SCAPER: variants seen among roughly 807,000 people sequenced by gnomAD.
The protein encoded by SCAPER is S phase cyclin A-associated protein in the endoplasmic reticulum.
SCAPER carries 98 observed loss-of-function variants against 182.2 expected under a neutral mutation model. The observed-to-expected ratio is 0.54, with a 90% CI of 0.46 to 0.64. The LOEUF is 0.64. SCAPER is among the 30% of genes least tolerant of loss of function. The pLI is 0.00. For synonymous variants in SCAPER, 605 were observed against 564.6 expected, an observed-to-expected ratio of 1.07 and a Z score of -1.01; for missense variants, 1,432 against 1,690.0, an observed-to-expected ratio of 0.85 and a Z score of 2.68.
intron 22 of SCAPER, among the ~76,000 whole-genome samples, chr15:76,576,172 G>C (rs930041022): frequency 6.6e-5 from 10 of 152,208 alleles, no homozygotes; most frequent in Non-Finnish European, 1.2e-4. Context: ...GATCAGCCTG[G>C]GTAACAAGGC....
intron 23 of SCAPER, among the ~76,000 whole-genome samples, chr15:76,526,863 T>A (rs896143544): frequency 3.3e-5 from 5 of 151,970 alleles, no homozygotes; most frequent in Admixed American, 1.3e-4. Context: ...ATAGTTTTTT[T>A]TTTTATTTTT....
chr15:76,793,196 A>C, intron 8 of SCAPER: 2 of 1,132,354 alleles, frequency 1.8e-6, no homozygotes, highest in South Asian at 2.8e-5. Flanking sequence ...CTTCAGTTCT[A>C]TAGCTACTGT....
At chr15:76,372,577 A>C (rs151097418) in intron 29 of SCAPER, among the ~76,000 whole-genome samples, 1 of 152,246 alleles carries the variant, frequency 6.6e-6, no homozygotes, top group Non-Finnish European at 1.5e-5. Context: ...TAAGTTTATC[A>C]TAACAGAGTT....
At chr15:76,434,046 G>A in intron 26 of SCAPER, 32 bp downstream of exon 26, 1 of 1,552,268 alleles carries the variant, frequency 6.4e-7, no homozygotes, top group Non-Finnish European at 8.8e-7. Flanking sequence ...TCTTAACAAA[G>A]AACAAAGTTT....
At chr15:76,435,467 T>C (rs904813784) in intron 25 of SCAPER, among the ~76,000 whole-genome samples, 1 of 152,216 alleles carries the variant, frequency 6.6e-6, no homozygotes, top group Non-Finnish European at 1.5e-5. Context: ...TGATTCCTGA[T>C]TCTTTTTCCT....
chr15:76,678,773 T>C (rs1053256325), intron 20 of SCAPER, among the ~76,000 whole-genome samples: 1 of 152,090 alleles, frequency 6.6e-6, no homozygotes, highest in Non-Finnish European at 1.5e-5. Context: ...AGACAGCACT[T>C]TATCACATAT....
intron 5 of SCAPER, among the ~76,000 whole-genome samples, chr15:76,818,221 C>G (rs1480793908): frequency 1.3e-5 from 2 of 152,142 alleles, no homozygotes; most frequent in Non-Finnish European, 2.9e-5. Flanking sequence ...ACACATGATG[C>G]TAGAATAAAT....
intron 7 of SCAPER, among the ~76,000 whole-genome samples, chr15:76,796,902 A>G (rs2065368194): frequency 6.6e-6 from 1 of 152,270 alleles, no homozygotes; most frequent in Non-Finnish European, 1.5e-5. Context: ...CCATAAAGGA[A>G]CTTGAAAGCA....
At chr15:76,599,861 A>T (rs1295098576) in intron 22 of SCAPER, among the ~76,000 whole-genome samples, 2 of 121,752 alleles carry the variant, frequency 1.6e-5, no homozygotes, top group African/African-American at 5.0e-5. Context: ...CATTTGTCAA[A>T]ATTTATCAAA....
At chr15:76,725,314 T>C (rs2060515256) in intron 17 of SCAPER, among the ~76,000 whole-genome samples, 1 of 152,012 alleles carries the variant, frequency 6.6e-6, no homozygotes, top group Non-Finnish European at 1.5e-5. Flanking sequence ...CATCATGTTT[T>C]CATGGACTGA....
chr15:76,608,134 C>T (rs141871893), intron 22 of SCAPER, among the ~76,000 whole-genome samples: 98 of 152,122 alleles, frequency 6.4e-4, no homozygotes, highest in African/African-American at 2.2e-3. Context: ...TTTTTTTTCC[C>T]CATCTTTGTG....
chr15:76,556,407 GA>G (rs975029671), intron 23 of SCAPER, among the ~76,000 whole-genome samples: 1 of 152,022 alleles, frequency 6.6e-6, no homozygotes, highest in African/African-American at 2.4e-5. Flanking sequence ...ATTGAAATCT[GA>G]AAAACCATAC....
Position 76,353,978 on chromosome 15 carries a change from T to TAGAG in SCAPER, c.4017_4018insCTCT (p.Ser1340LeufsTer2). 6.3e-7 allele frequency: 1 copy of TAGAG among 1,592,030 alleles called. No individual in the cohort carries two copies. Among genetic ancestry groups the TAGAG allele is most frequent in the Non-Finnish European group, 8.5e-7 (1 of 1,172,906 alleles). On this transcript the variant is annotated frameshift_variant, in exon 30 of 32. Coordinates refer to ENST00000563290, the MANE Select transcript of SCAPER (RefSeq NM_020843.4). LOFTEE classifies it high-confidence loss of function. ...ATGAAAGTGGCCAGTAAAACACAGCTCATCTCTTGCTCCAGAATGATCTTG... is the reference window on the plus strand; with the variant it reads ...ATGAAAGTGGCCAGTAAAACACAGCTAGAGCATCTCTTGCTCCAGAATGATCTTG...
At chr15:76,618,439 T>C (rs1311310782) in intron 22 of SCAPER, among the ~76,000 whole-genome samples, 1 of 152,168 alleles carries the variant, frequency 6.6e-6, no homozygotes. Context: ...AGAATGATTT[T>C]AGATCTATGA....
intron 1 of SCAPER, among the ~76,000 whole-genome samples, chr15:76,890,751 T>C (rs2074118353): frequency 6.6e-6 from 1 of 152,208 alleles, no homozygotes; most frequent in Non-Finnish European, 1.5e-5. Flanking sequence ...AAAGAGGAGT[T>C]GGTACCATTC....
chr15:76,667,657 A>AC (rs2056705582), intron 20 of SCAPER, among the ~76,000 whole-genome samples: 3 of 128,510 alleles, frequency 2.3e-5, no homozygotes, highest in African/African-American at 8.5e-5. Flanking sequence ...AAAAAAAAAA[A>AC]AAAAACGCTC....
intron 14 of SCAPER, among the ~76,000 whole-genome samples, chr15:76,756,888 T>C (rs2062466820): frequency 6.6e-6 from 1 of 152,242 alleles, no homozygotes; most frequent in Admixed American, 6.5e-5. Context: ...TAGCTTATTA[T>C]ATGATAAAAT....
intron 20 of SCAPER, among the ~76,000 whole-genome samples, chr15:76,666,187 A>ACTC (rs2056562646): frequency 6.6e-6 from 1 of 152,214 alleles, no homozygotes; most frequent in African/African-American, 2.4e-5. Flanking sequence ...GAAGAGGGGG[A>ACTC]AACTTCAGCA....
At chr15:76,800,400 A>T in intron 6 of SCAPER, 36 bp from the exon 7 acceptor site, 1 of 1,294,720 alleles carries the variant, frequency 7.7e-7, no homozygotes, top group Non-Finnish European at 1.1e-6. Flanking sequence ...TTAAATTAAC[A>T]GAGAAAAGGG....
Sources: gnomAD v4.1 joint callset for allele counts (sites outside exome capture counted in the v4.1 genomes callset) on GRCh38, gnomAD v4.1.1 for gene constraint, MANE v1.5 for transcripts, NCBI Gene and HGNC (gene_info 2026-07-23, HGNC 2026-07-21) for gene names.